Variants in ME1 observed in about 807,000 individuals in gnomAD.
ME1 encodes malic enzyme 1, also known as NADP-dependent malic enzyme.
ME1 carries 74 observed loss-of-function variants against 66.4 expected under a neutral mutation model. The observed-to-expected ratio is 1.11, with a 90% CI of 0.92 to 1.35. The LOEUF (loss-of-function observed/expected upper bound fraction) is 1.35. Among genes scored for constraint, ME1 ranks in the 40% most tolerant of loss-of-function variants. The pLI is 0.00. For synonymous variants in ME1, 251 were observed against 235.6 expected (o/e 1.07, Z -0.60); for missense variants, 750 against 694.1 (o/e 1.08, Z -0.90).
chr6:83,309,193 C>T (rs536406325), intron 6 of ME1, among the ~76,000 whole-genome samples: 1 of 152,080 alleles, frequency 6.6e-6, no homozygotes, highest in Non-Finnish European at 1.5e-5. Context: ...ACCTCAGAAC[C>T]ATCACAGCTT....
chr6:83,257,128 G>T (rs889985701), intron 6 of ME1, among the ~76,000 whole-genome samples: 4 of 151,696 alleles, frequency 2.6e-5, no homozygotes, highest in Admixed American at 6.6e-5. Flanking sequence ...CCACCATGGC[G>T]CATGTATACC....
chr6:83,300,015 A>C (rs1767684579), intron 6 of ME1, among the ~76,000 whole-genome samples: 1 of 152,030 alleles, frequency 6.6e-6, no homozygotes, highest in Admixed American at 6.6e-5. Flanking sequence ...ATATTTTATC[A>C]AGGATTTTCG....
intron 3 of ME1, chr6:83,392,548 T>A: frequency 1.8e-6 from 1 of 548,408 alleles, no homozygotes; most frequent in Non-Finnish European, 3.6e-6. Flanking sequence ...CAACACTGTC[T>A]ACATGTTCCA....
Position 83,430,979 on chromosome 6 carries a change from G to C in ME1, c.-25C>G. ...TGGCTGGCGCCGGGTTCGGCGGCGG[G>C]GTCAGGCCGGGGCGGGCCGCACGCG... On this transcript the variant is annotated 5_prime_UTR_variant, in exon 1 of 14. Transcript: ENST00000369705. 2.0e-6 allele frequency: 3 copies of C among 1,485,118 alleles called. No individual in the cohort carries two copies. Among genetic ancestry groups the C allele is most frequent in the Middle Eastern group, 1.8e-4 (1 of 5,442 alleles). 92.0% of individuals were successfully genotyped at this position (1,485,118 alleles called of 1,614,324 possible).
intron 6 of ME1, among the ~76,000 whole-genome samples, chr6:83,273,246 T>A (rs1386363316): frequency 6.7e-6 from 1 of 149,950 alleles, no homozygotes; most frequent in African/African-American, 2.5e-5. Flanking sequence ...GAATTTCAAA[T>A]TGTCCCTTTT....
intron 5 of ME1, among the ~76,000 whole-genome samples, chr6:83,323,520 A>AGC (rs1554268159): frequency 2.0e-5 from 3 of 151,144 alleles, no homozygotes; most frequent in Non-Finnish European, 4.4e-5. Flanking sequence ...CAAAAAAAAA[A>AGC]CCCCAGAGGT....
chr6:83,217,499 G>A (rs1790015707), intron 12 of ME1, among the ~76,000 whole-genome samples: 1 of 152,144 alleles, frequency 6.6e-6, no homozygotes, highest in Non-Finnish European at 1.5e-5. Flanking sequence ...CTACGGAGAA[G>A]CTTAAGAAAA....
At chr6:83,286,122 TGGGCTCTGGAGCCA>T (rs1360212873) in intron 6 of ME1, among the ~76,000 whole-genome samples, 1 of 152,192 alleles carries the variant, frequency 6.6e-6, no homozygotes, top group Admixed American at 6.5e-5. Context: ...ATTAAAAGTA[TGGGCTCTGGAGCCA>T]GAGAGTCTGG....
At chr6:83,295,549 G>A (rs1037035224) in intron 6 of ME1, among the ~76,000 whole-genome samples, 5 of 151,598 alleles carry the variant, frequency 3.3e-5, no homozygotes, top group South Asian at 2.1e-4. Flanking sequence ...CACTCTTGTC[G>A]CCCAGGCTGG....
At chr6:83,411,958 T>C (rs1770056168) in intron 1 of ME1, among the ~76,000 whole-genome samples, 1 of 152,230 alleles carries the variant, frequency 6.6e-6, no homozygotes, top group Admixed American at 6.5e-5. Flanking sequence ...ACTATTCTTC[T>C]GGACTGTGCT....
chr6:83,351,150 T>C (rs561243011), intron 4 of ME1, among the ~76,000 whole-genome samples: 1 of 152,166 alleles, frequency 6.6e-6, no homozygotes, highest in South Asian at 2.1e-4. Context: ...GTTTCAATAC[T>C]TTGGGAAGCT....
At chr6:83,419,265 T>A (rs1411998817) in intron 1 of ME1, among the ~76,000 whole-genome samples, 4 of 152,136 alleles carry the variant, frequency 2.6e-5, no homozygotes, top group African/African-American at 7.2e-5. Context: ...GCTCAGATTT[T>A]AAAAAAACAA....
At chr6:83,224,326 G>T (rs1425994637) in intron 11 of ME1, among the ~76,000 whole-genome samples, 1 of 152,078 alleles carries the variant, frequency 6.6e-6, no homozygotes, top group Non-Finnish European at 1.5e-5. Context: ...TTAGGTTGGG[G>T]TTTAGGAATC....
At chr6:83,284,349 C>A (rs1413179462) in intron 6 of ME1, among the ~76,000 whole-genome samples, 3 of 151,934 alleles carry the variant, frequency 2.0e-5, no homozygotes, top group African/African-American at 7.3e-5. Context: ...TGAAATTACC[C>A]CAAAAAAAAT....
At chr6:83,334,119 C>A (rs892601941) in intron 5 of ME1, among the ~76,000 whole-genome samples, 1 of 152,030 alleles carries the variant, frequency 6.6e-6, no homozygotes, top group Non-Finnish European at 1.5e-5. Context: ...GCACCGTGCG[C>A]GAGCCGAAGC....
At chr6:83,427,005 ATAT>A (rs1770386776) in intron 1 of ME1, among the ~76,000 whole-genome samples, 3 of 152,294 alleles carry the variant, frequency 2.0e-5, no homozygotes, top group South Asian at 2.1e-4. Flanking sequence ...AATTTATGAA[ATAT>A]TATTAGTCAC....
chr6:83,290,814 G>A (rs1377791372), intron 6 of ME1, among the ~76,000 whole-genome samples: 1 of 152,122 alleles, frequency 6.6e-6, no homozygotes, highest in African/African-American at 2.4e-5. Flanking sequence ...CCTGTATTGG[G>A]TGCATATATA....
rs12526971 is a variant in ME1, at chr6:83,273,564, A to G, written c.705-19826T>C. Among the ~76,000 whole-genome samples, 751 of 152,326 alleles carry G rather than the reference A, an allele frequency of 4.9e-3. 23 individuals are homozygous for G. Among genetic ancestry groups the G allele is most frequent in the Admixed American group, 0.047 (714 of 15,294 alleles). On this transcript the variant is annotated intron_variant, in intron 6 of 13. Transcript: ENST00000369705. ...GAACTAAAACAACATTCCATGATTA[A>G]AAAGAAAGTTTTCTTCTATGATGAA...
intron 6 of ME1, among the ~76,000 whole-genome samples, chr6:83,295,516 T>A (rs1583363240): frequency 6.6e-6 from 1 of 152,176 alleles, no homozygotes; most frequent in African/African-American, 2.4e-5. Context: ...AAATCTATTT[T>A]TTTTTTCTTT....
Sources: gnomAD v4.1 joint callset for allele counts (sites outside exome capture counted in the v4.1 genomes callset) on GRCh38, gnomAD v4.1.1 for gene constraint, MANE v1.5 for transcripts, NCBI Gene and HGNC (gene_info 2026-07-23, HGNC 2026-07-21) for gene names.